SGCZ: variants seen among roughly 807,000 people sequenced by gnomAD.
The protein encoded by SGCZ is sarcoglycan zeta.
In SGCZ, 40 loss-of-function variants were observed where a neutral mutation model predicts 41.3. That is an observed-to-expected ratio of 0.97 (90% CI 0.75 to 1.26). The LOEUF (loss-of-function observed/expected upper bound fraction) is 1.26. Among genes scored for constraint, SGCZ ranks in the 50% most tolerant of loss-of-function variants. The pLI is 0.00. For synonymous variants in SGCZ, 206 were observed against 137.5 expected, an observed-to-expected ratio of 1.50 and a Z score of -3.49; for missense variants, 552 against 369.8, an observed-to-expected ratio of 1.49 and a Z score of -4.04.
At chr8:15,082,756 A>G (rs1805801600) in intron 1 of SGCZ, among the ~76,000 whole-genome samples, 1 of 152,140 alleles carries the variant, frequency 6.6e-6, no homozygotes, top group South Asian at 2.1e-4. Flanking sequence ...TATTAAGTCA[A>G]TATGACCTAA....
chr8:14,181,276 C>T (rs1048460061), intron 4 of SGCZ, among the ~76,000 whole-genome samples: 4 of 152,220 alleles, frequency 2.6e-5, no homozygotes, highest in African/African-American at 7.2e-5. Flanking sequence ...GTGACTACAA[C>T]AGCAATCAGC....
At chr8:14,837,694 A>G (rs1802748147) in intron 1 of SGCZ, among the ~76,000 whole-genome samples, 1 of 152,142 alleles carries the variant, frequency 6.6e-6, no homozygotes, top group South Asian at 2.1e-4. Context: ...TTATGAACTT[A>G]TTTATATATT....
chr8:14,150,042 T>C (rs1803650940), intron 5 of SGCZ, among the ~76,000 whole-genome samples: 2 of 152,118 alleles, frequency 1.3e-5, no homozygotes, highest in South Asian at 4.1e-4. Context: ...GATTAAAGAC[T>C]TAACTCTAAG....
At chr8:14,194,385 G>C (rs1450994814) in intron 4 of SGCZ, among the ~76,000 whole-genome samples, 1 of 151,836 alleles carries the variant, frequency 6.6e-6, no homozygotes, top group Non-Finnish European at 1.5e-5. Context: ...TTAATACTGT[G>C]ATATTACTAA....
intron 1 of SGCZ, among the ~76,000 whole-genome samples, chr8:14,890,084 G>A (rs772248614): frequency 1.4e-4 from 22 of 151,986 alleles, no homozygotes; most frequent in Non-Finnish European, 1.6e-4. Context: ...GGGCATGGTC[G>A]TGGGCACCCA....
At chr8:15,145,881 T>C (rs1324464080) in intron 1 of SGCZ, among the ~76,000 whole-genome samples, 3 of 152,128 alleles carry the variant, frequency 2.0e-5, no homozygotes, top group Non-Finnish European at 4.4e-5. Flanking sequence ...CATATATTTA[T>C]CTCCTCTGCC....
intron 3 of SGCZ, among the ~76,000 whole-genome samples, chr8:14,280,373 T>A (rs1327432612): frequency 1.3e-5 from 2 of 151,870 alleles, no homozygotes; most frequent in African/African-American, 4.8e-5. Context: ...GATTAAGTGT[T>A]TATAACCTCA....
intron 1 of SGCZ, among the ~76,000 whole-genome samples, chr8:14,582,684 G>A (rs1423221321): frequency 8.7e-6 from 1 of 115,100 alleles, no homozygotes; most frequent in Non-Finnish European, 1.6e-5. Flanking sequence ...ACAGTCCCCA[G>A]AGTGTGATGT....
intron 1 of SGCZ, among the ~76,000 whole-genome samples, chr8:14,766,821 G>T (rs1367374335): frequency 6.8e-6 from 1 of 146,118 alleles, no homozygotes; most frequent in Non-Finnish European, 1.5e-5. Context: ...CAAACAGTCT[G>T]CCCGCCTCGG....
At chr8:14,669,098 G>C (rs922684133) in intron 1 of SGCZ, among the ~76,000 whole-genome samples, 2 of 151,976 alleles carry the variant, frequency 1.3e-5, no homozygotes, top group Non-Finnish European at 2.9e-5. Context: ...ATTTTGGGAG[G>C]CTTAGGCAGG....
chr8:14,587,281 A>G (rs544551483), intron 1 of SGCZ, among the ~76,000 whole-genome samples: 1 of 151,804 alleles, frequency 6.6e-6, no homozygotes, highest in Admixed American at 6.6e-5. Context: ...AAAAAACTGA[A>G]AAAAATGTTT....
intron 2 of SGCZ, among the ~76,000 whole-genome samples, chr8:14,372,870 G>A (rs898709733): frequency 6.6e-6 from 1 of 152,100 alleles, no homozygotes; most frequent in East Asian, 1.9e-4. Flanking sequence ...AGCAGTTCAC[G>A]AGGGACTTAG....
intron 2 of SGCZ, among the ~76,000 whole-genome samples, chr8:14,392,875 T>A (rs921244008): frequency 2.0e-5 from 3 of 152,202 alleles, no homozygotes; most frequent in Non-Finnish European, 4.4e-5. Flanking sequence ...ATCTTTATGT[T>A]CTAATAAAAT....
At chr8:14,707,266 G>A (rs1260831018) in intron 1 of SGCZ, among the ~76,000 whole-genome samples, 1 of 141,348 alleles carries the variant, frequency 7.1e-6, no homozygotes, top group Non-Finnish European at 1.5e-5. Flanking sequence ...TACCACCTAT[G>A]AGTGAGAACA....
At chr8:14,852,983 G>A (rs1165033516) in intron 1 of SGCZ, among the ~76,000 whole-genome samples, 1 of 152,178 alleles carries the variant, frequency 6.6e-6, no homozygotes, top group African/African-American at 2.4e-5. Context: ...GATATATACT[G>A]CTGATGAGGC....
chr8:14,475,888 T>G (rs1801343374), intron 2 of SGCZ, among the ~76,000 whole-genome samples: 2 of 152,182 alleles, frequency 1.3e-5, no homozygotes, highest in Non-Finnish European at 2.9e-5. Context: ...CAGGCTGGAA[T>G]GCAGTGGTGT....
intron 1 of SGCZ, among the ~76,000 whole-genome samples, chr8:14,623,119 G>A (rs1397282): frequency 0.55 from 83,046 of 151,900 alleles, 23,136 homozygotes; most frequent in East Asian, 0.76. Flanking sequence ...GAACTTATCA[G>A]TGTATTACCA....
intron 1 of SGCZ, among the ~76,000 whole-genome samples, chr8:14,993,274 G>A (rs1358557446): frequency 1.3e-5 from 2 of 152,016 alleles, no homozygotes; most frequent in African/African-American, 4.8e-5. Flanking sequence ...TTTTATTACT[G>A]CTGTATAAAA....
rs117561251 is a variant in SGCZ at position 14,967,145 on chromosome 8, G to A, written c.39+270440C>T. 1.5e-3 allele frequency among the ~76,000 whole-genome samples: 221 copies of A among 152,240 alleles called. 1 individual carries two copies. In the East Asian group the frequency reaches 0.017, roughly 12 times the overall value. On this transcript the variant is annotated intron_variant, in intron 1 of 7. Coordinates refer to ENST00000382080, the MANE Select transcript of SGCZ (RefSeq NM_139167.4). ...AACATAATTACTCATAGCATCCAGT[G>A]TCATACAGTAGCATACCTAAAACTG...
Sources: gnomAD v4.1 joint callset for allele counts (sites outside exome capture counted in the v4.1 genomes callset) on GRCh38, gnomAD v4.1.1 for gene constraint, MANE v1.5 for transcripts, NCBI Gene and HGNC (gene_info 2026-07-23, HGNC 2026-07-21) for gene names.